Variants in NLGN4X observed in about 807,000 individuals in gnomAD.
NLGN4X encodes neuroligin-4, X-linked.
A neutral mutation model predicts 40.3 loss-of-function variants in NLGN4X; 3 were observed. The ratio of observed to expected loss-of-function variants is 0.07; its 90% CI spans 0.03 to 0.19. The LOEUF is 0.19. Ranked by LOEUF, NLGN4X falls within the 10% of genes least tolerant of loss-of-function variation. The probability of loss-of-function intolerance (pLI) is 1.00; values close to 1 mark genes in which losing one functional copy is unlikely to be tolerated. For missense variants in NLGN4X, 382 were observed against 708.3 expected, an observed-to-expected ratio of 0.54 and a Z score of 5.23; for synonymous variants, 270 against 306.8, an observed-to-expected ratio of 0.88 and a Z score of 1.25.
intron 2 of NLGN4X, among the ~76,000 whole-genome samples, chrX:6,111,499 G>A (rs1180921745): frequency 9.0e-6 from 1 of 111,447 alleles, no homozygotes; most frequent in Non-Finnish European, 1.9e-5. Flanking sequence ...AACACTTTAG[G>A]AGGTCAAGGC....
intron 3 of NLGN4X, among the ~76,000 whole-genome samples, chrX:5,913,367 G>A (rs2032606377): frequency 9.0e-6 from 1 of 111,556 alleles, no homozygotes; most frequent in Non-Finnish European, 1.9e-5. Flanking sequence ...CTGCTCCTGA[G>A]AAGTCATTCC....
At chrX:6,054,740 C>T (rs2037577416) in intron 2 of NLGN4X, among the ~76,000 whole-genome samples, 1 of 111,060 alleles carries the variant, frequency 9.0e-6, no homozygotes, top group South Asian at 3.8e-4. Context: ...TCACTGCAAC[C>T]TCCATCTCCC....
intron 3 of NLGN4X, among the ~76,000 whole-genome samples, chrX:6,018,126 A>G (rs930870680): frequency 2.7e-5 from 3 of 109,823 alleles, no homozygotes; most frequent in African/African-American, 1.0e-4. Context: ...AACAACTGAT[A>G]CATGTATATG....
chrX:5,898,025 CCTT>C (rs1292467007), intron 5 of NLGN4X, among the ~76,000 whole-genome samples: 5 of 100,220 alleles, frequency 5.0e-5, no homozygotes, highest in East Asian at 6.6e-4. Flanking sequence ...TCCCTCCCTT[CCTT>C]CTTTCTCTCT....
chrX:6,171,516 C>T (rs1473535973), intron 1 of NLGN4X, among the ~76,000 whole-genome samples: 3 of 111,909 alleles, frequency 2.7e-5, no homozygotes, highest in Non-Finnish European at 3.8e-5. Context: ...ATTTATTCCG[C>T]TGTTTGAAGG....
At chrX:5,923,940 T>G (rs755526706) in intron 3 of NLGN4X, among the ~76,000 whole-genome samples, 9 of 111,846 alleles carry the variant, frequency 8.0e-5, no homozygotes, top group Non-Finnish European at 1.5e-4. Flanking sequence ...TAAATATACA[T>G]GTCTCCAAGA....
chrX:6,193,379 C>T (rs762440783), intron 1 of NLGN4X, among the ~76,000 whole-genome samples: 3 of 100,397 alleles, frequency 3.0e-5, no homozygotes, highest in East Asian at 6.3e-4. Context: ...ACAGCACTCC[C>T]GCCTGGGCGA....
At chrX:6,030,017 GA>G (rs746092129) in intron 2 of NLGN4X, among the ~76,000 whole-genome samples, 3 of 109,604 alleles carry the variant, frequency 2.7e-5, no homozygotes, top group Non-Finnish European at 5.7e-5. Flanking sequence ...CAGAAATAGG[GA>G]AAAAAAAGAA....
chrX:6,149,168 G>A (rs2040113774), intron 2 of NLGN4X, among the ~76,000 whole-genome samples: 1 of 112,081 alleles, frequency 8.9e-6, no homozygotes, highest in Non-Finnish European at 1.9e-5. Context: ...GAATTGCAAT[G>A]AAACGGCCAC....
chrX:6,026,045 T>C (rs1300815278), intron 3 of NLGN4X, among the ~76,000 whole-genome samples: 1 of 111,608 alleles, frequency 9.0e-6, no homozygotes, highest in African/African-American at 3.3e-5. Context: ...CACTGCCTTC[T>C]ACATCTAAGG....
At chrX:6,011,160 T>C (rs2036241489) in intron 3 of NLGN4X, among the ~76,000 whole-genome samples, 2 of 110,650 alleles carry the variant, frequency 1.8e-5, no homozygotes, top group African/African-American at 6.6e-5. Flanking sequence ...GTCAAGAGAC[T>C]TTCCTAAATA....
At chrX:6,134,476 A>G (rs935415524) in intron 2 of NLGN4X, among the ~76,000 whole-genome samples, 1 of 111,807 alleles carries the variant, frequency 8.9e-6, no homozygotes, top group Non-Finnish European at 1.9e-5. Context: ...AACTTGTTGC[A>G]TCATTGCATG....
Position 6,095,037 on chromosome X carries a change from C to T in NLGN4X, c.472+55958G>A, listed in dbSNP as rs1180723080. On this transcript the variant is annotated intron_variant, in intron 2 of 5. Transcript: ENST00000381095. ...GGAAATCCTGCTATGAAAAGAGTTC[C>T]ATGTGTACGAGCCTTAGTTGTTGAA... Among the ~76,000 whole-genome samples the T allele has an allele frequency of 2.1e-4, 23 of 107,304 alleles. No homozygotes were observed. The Admixed American group carries it at 2.3e-3, about 11-fold the overall frequency. 93.2% of individuals were successfully genotyped at this position (107,304 alleles called of 115,157 possible).
At chrX:6,019,051 G>A (rs1569188784) in intron 3 of NLGN4X, among the ~76,000 whole-genome samples, 4 of 111,745 alleles carry the variant, frequency 3.6e-5, no homozygotes, top group South Asian at 3.7e-4. Context: ...TATTTATATC[G>A]CTAAATGCAG....
intron 1 of NLGN4X, among the ~76,000 whole-genome samples, chrX:6,169,917 C>G (rs2040570061): frequency 8.9e-6 from 1 of 111,753 alleles, no homozygotes; most frequent in Non-Finnish European, 1.9e-5. Context: ...AAAGAAATGA[C>G]TGAGTGATGA....
At chrX:6,179,975 T>A (rs1391334113) in intron 1 of NLGN4X, among the ~76,000 whole-genome samples, 1 of 111,811 alleles carries the variant, frequency 8.9e-6, no homozygotes, top group African/African-American at 3.2e-5. Flanking sequence ...GATGCTAAAG[T>A]TATCTTTTCA....
intron 2 of NLGN4X, among the ~76,000 whole-genome samples, chrX:6,082,434 G>T (rs1275666425): frequency 9.1e-6 from 1 of 109,791 alleles, no homozygotes; most frequent in Non-Finnish European, 1.9e-5. Flanking sequence ...CCAGATACTC[G>T]GGAGGCTGAG....
Position 5,902,473 on chromosome X carries a change from C to T in NLGN4X, c.1601+604G>A, listed in dbSNP as rs986584842. 3.6e-5 allele frequency among the ~76,000 whole-genome samples: 4 copies of T among 109,678 alleles called. 1 individual carries two copies. The highest frequency in any genetic ancestry group is 1.3e-4 in the African/African-American group (4 of 30,020). ...TCGAGGCTTCAGTGAGCTATGATTG[C>T]GCCACTATACTCCAGCCTAGGCAAC... On this transcript the variant is annotated intron_variant, in intron 5 of 5. Transcript: ENST00000381095.
chrX:6,224,194 G>A lies in NLGN4X; in HGVS notation c.-306+4347C>T, dbSNP rs759385778. Among the ~76,000 whole-genome samples the A allele has an allele frequency of 7.1e-5, 8 of 112,608 alleles. No individual in the cohort carries two copies. The East Asian group carries it at 8.4e-4, about 12-fold the overall frequency. ...TACTTCATTTGAATGCAATGCATTC[G>A]CTCAACAAGTTGCATTATTGGCAAT... is the stretch of plus-strand genomic sequence containing the variant. On this transcript the variant is annotated intron_variant, in intron 1 of 5. Transcript: ENST00000381095.
Sources: allele counts gnomAD v4.1 joint callset (sites outside exome capture counted in the v4.1 genomes callset), GRCh38; gene constraint gnomAD v4.1.1; transcripts MANE v1.5; gene names NCBI Gene and HGNC (gene_info 2026-07-23, HGNC 2026-07-21).